GUCY1A2: variants seen among roughly 807,000 people sequenced by gnomAD.
GUCY1A2 encodes the protein guanylate cyclase 1 soluble subunit alpha 2.
In GUCY1A2, 27 loss-of-function variants were observed where a neutral mutation model predicts 63.5. The ratio of observed to expected loss-of-function variants is 0.43; its 90% confidence interval spans 0.31 to 0.59. GUCY1A2 has a LOEUF of 0.59. Among genes scored for constraint, GUCY1A2 ranks in the 20% least tolerant of loss-of-function variants. GUCY1A2 has a pLI of 0.11. For missense variants in GUCY1A2, 768 were observed against 913.3 expected, an observed-to-expected ratio of 0.84 and a Z score of 2.05; for synonymous variants, 364 against 343.5, an observed-to-expected ratio of 1.06 and a Z score of -0.66.
intron 5 of GUCY1A2, among the ~76,000 whole-genome samples, chr11:106,785,632 G>T (rs1304151222): frequency 6.6e-6 from 1 of 152,048 alleles, no homozygotes; most frequent in East Asian, 1.9e-4. Context: ...TTAGGGGTCA[G>T]AAGTGGCCCT....
At chr11:106,944,262 T>C in intron 3 of GUCY1A2, among the ~76,000 whole-genome samples, 1 of 102,018 alleles carries the variant, frequency 9.8e-6, no homozygotes, top group East Asian at 2.8e-4. Flanking sequence ...CTGGGCAACA[T>C]GCCTAAACCC....
chr11:106,952,100 T>C (rs1171804226), intron 3 of GUCY1A2, among the ~76,000 whole-genome samples: 1 of 152,170 alleles, frequency 6.6e-6, no homozygotes, highest in Non-Finnish European at 1.5e-5. Context: ...GGTCTATATG[T>C]CGGTTTTGGT....
intron 4 of GUCY1A2, among the ~76,000 whole-genome samples, chr11:106,819,498 C>A (rs1002940526): frequency 1.3e-5 from 2 of 152,060 alleles, no homozygotes; most frequent in Non-Finnish European, 2.9e-5. Flanking sequence ...CAGTCAGTAG[C>A]CATTTACATC....
chr11:106,862,698 C>T (rs1240356344), intron 4 of GUCY1A2, among the ~76,000 whole-genome samples: 1 of 151,944 alleles, frequency 6.6e-6, no homozygotes, highest in Non-Finnish European at 1.5e-5. Flanking sequence ...AATTCCTTCC[C>T]TGACCAGAAA....
At chr11:106,698,828 C>T (rs1837822310) in intron 7 of GUCY1A2, among the ~76,000 whole-genome samples, 1 of 152,092 alleles carries the variant, frequency 6.6e-6, no homozygotes, top group African/African-American at 2.4e-5. Context: ...AGTGGCAGAA[C>T]AGGAATATGA....
intron 3 of GUCY1A2, among the ~76,000 whole-genome samples, chr11:106,940,502 C>T (rs1003492604): frequency 3.9e-5 from 6 of 152,220 alleles, no homozygotes; most frequent in African/African-American, 7.2e-5. Flanking sequence ...CTCTCTGCCC[C>T]GACACATGCA....
chr11:106,986,316 A>T (rs1861400894), intron 1 of GUCY1A2, among the ~76,000 whole-genome samples, 185 bp from the exon 2 acceptor site: 1 of 152,160 alleles, frequency 6.6e-6, no homozygotes, highest in Admixed American at 6.5e-5. Context: ...GGCACTCGGC[A>T]ATTACCCAGA....
At chr11:106,988,686 A>G (rs377479654) in intron 1 of GUCY1A2, among the ~76,000 whole-genome samples, 2 of 152,170 alleles carry the variant, frequency 1.3e-5, no homozygotes, top group South Asian at 2.1e-4. Context: ...TGCACTTCCT[A>G]TTTCTTGCCA....
Position 106,674,866 on chromosome 11 carries a change from G to A in GUCY1A2, c.*12683C>T, listed in dbSNP as rs1282061680. ...CATGCAGAGGATGCTAATGAAGGCC[G>A]AGCACATTATAACTGTGTGTTTTTA... On this transcript the variant is annotated 3_prime_UTR_variant, in exon 8 of 8. Coordinates refer to ENST00000526355, the MANE Select transcript of GUCY1A2 (RefSeq NM_000855.3). 3.7e-5 allele frequency: 8 copies of A among 217,554 alleles called. No homozygotes were observed. The highest frequency in any genetic ancestry group is 1.3e-4 in the East Asian group (2 of 14,898). The allele number at this position is 217,554 out of a possible 1,614,324, so 13.5% of individuals were successfully genotyped here.
chr11:106,842,682 A>T (rs534496818), intron 4 of GUCY1A2, among the ~76,000 whole-genome samples: 2 of 152,034 alleles, frequency 1.3e-5, no homozygotes, highest in South Asian at 4.2e-4. Flanking sequence ...AGCTTCTCAA[A>T]CTTTAGTGTG....
chr11:106,687,620 G>A lies in GUCY1A2; in HGVS notation c.2128C>T (p.Leu710Phe), dbSNP rs367780886. The A allele has an allele frequency of 1.8e-5, 29 of 1,613,948 alleles. No homozygotes were observed. The African/African-American group carries it at 3.7e-4, about 21-fold the overall frequency. ...RTGPKPPKPSLSSSRIKKVSY... is the reference protein window; with the variant it reads ...RTGPKPPKPSFSSSRIKKVSY... ...ACCTTTTTTATTCTCGACGAAGAAAGAGAAGGCTTTGGTGGCTTTGGACCA... is the reference window on the plus strand; with the variant it reads ...ACCTTTTTTATTCTCGACGAAGAAAAAGAAGGCTTTGGTGGCTTTGGACCA... Residue 710 changes from leucine (L) to phenylalanine (F), a missense_variant, in exon 8 of 8, where the codon CTT becomes TTT. Coordinates refer to ENST00000526355, the MANE Select transcript of GUCY1A2 (RefSeq NM_000855.3).
intron 4 of GUCY1A2, among the ~76,000 whole-genome samples, chr11:106,852,661 T>C (rs1859372139): frequency 6.6e-6 from 1 of 152,150 alleles, no homozygotes; most frequent in Non-Finnish European, 1.5e-5. Context: ...GGATTCCTAT[T>C]TGATCACGGT....
chr11:106,983,374 A>C (rs1392307594), intron 2 of GUCY1A2, among the ~76,000 whole-genome samples: 2 of 152,230 alleles, frequency 1.3e-5, no homozygotes, highest in East Asian at 3.9e-4. Flanking sequence ...AAGTACAGAG[A>C]GGCTATCTTA....
intron 1 of GUCY1A2, among the ~76,000 whole-genome samples, chr11:107,000,215 A>T (rs1290202498): frequency 6.6e-6 from 1 of 152,256 alleles, no homozygotes; most frequent in African/African-American, 2.4e-5. Flanking sequence ...AAGTTAACAC[A>T]GAAAAAGAGA....
At chr11:106,971,939 C>T (rs1861200637) in intron 3 of GUCY1A2, among the ~76,000 whole-genome samples, 1 of 152,042 alleles carries the variant, frequency 6.6e-6, no homozygotes, top group East Asian at 1.9e-4. Context: ...GTGCTCAAAA[C>T]ACACTATGAA....
At chr11:106,791,902 A>T (rs1456117110) in intron 5 of GUCY1A2, among the ~76,000 whole-genome samples, 1 of 152,070 alleles carries the variant, frequency 6.6e-6, no homozygotes, top group Non-Finnish European at 1.5e-5. Context: ...TCCTACTAAA[A>T]CTATTCCAAA....
intron 6 of GUCY1A2, among the ~76,000 whole-genome samples, chr11:106,723,824 C>CA (rs553635197): frequency 0.036 from 5,146 of 142,630 alleles, 120 homozygotes; most frequent in South Asian, 0.079. Flanking sequence ...AACTCCATCT[C>CA]AAAAAAAAAA....
At chr11:106,922,967 A>G (rs1304455922) in intron 4 of GUCY1A2, among the ~76,000 whole-genome samples, 2 of 152,034 alleles carry the variant, frequency 1.3e-5, no homozygotes, top group Non-Finnish European at 2.9e-5. Context: ...TACCTGTTGT[A>G]GAAACATACT....
chr11:106,985,655 T>G (rs746719378), intron 2 of GUCY1A2, among the ~76,000 whole-genome samples: 1 of 152,222 alleles, frequency 6.6e-6, no homozygotes, highest in East Asian at 1.9e-4. Context: ...CTAAGTAAAC[T>G]AATTCCTCTC....
Sources: allele counts gnomAD v4.1 joint callset (sites outside exome capture counted in the v4.1 genomes callset), GRCh38; gene constraint gnomAD v4.1.1; transcripts MANE v1.5; gene names NCBI Gene and HGNC (gene_info 2026-07-23, HGNC 2026-07-21).